RABGGTB: variants seen among roughly 807,000 people sequenced by gnomAD.
RABGGTB encodes the protein geranylgeranyl transferase type-2 subunit beta.
Under a neutral mutation model 44.5 loss-of-function variants are expected in RABGGTB, and 20 were observed. That is an observed-to-expected ratio of 0.45 (90% CI 0.32 to 0.65). The LOEUF (loss-of-function observed/expected upper bound fraction) is 0.65, where lower values mean the gene tolerates loss of function less well. RABGGTB is among the 30% of genes least tolerant of loss of function. The pLI, the probability that RABGGTB is intolerant of heterozygous loss-of-function variation, is 0.05. For synonymous variants in RABGGTB, 128 were observed against 136.7 expected (o/e 0.94, Z 0.44); for missense variants, 302 against 398.7 (o/e 0.76, Z 2.06).
intron 4 of RABGGTB, 195 bp downstream of exon 4, chr1:75,790,252 AG>A: frequency 5.5e-6 from 7 of 1,264,182 alleles, no homozygotes; most frequent in Non-Finnish European, 6.9e-6. Flanking sequence ...ACTGGAACAG[AG>A]GGGGCCAGTC....
chr1:75,786,989 C>T, intron 1 of RABGGTB: 1 of 462,278 alleles, frequency 2.2e-6, no homozygotes, highest in Admixed American at 2.5e-5. Flanking sequence ...AAATGATAAG[C>T]TTTGATATTC....
At chr1:75,790,152 G>A in intron 4 of RABGGTB, 95 bp downstream of exon 4, 1 of 1,558,588 alleles carries the variant, frequency 6.4e-7, no homozygotes, top group African/African-American at 1.4e-5. Context: ...ATCTTTTCAG[G>A]TCCCACTAAG....
rs1259015150 is a variant in RABGGTB at position 75,794,659 on chromosome 1, A to C, written c.*9A>C. ...CTGAGCTAGTGAGCTAGATTCATTG[A>C]ATTGAAAGTTGCATAGTATAGTTTT... On this transcript the variant is annotated 3_prime_UTR_variant, in exon 9 of 9. Coordinates refer to ENST00000319942, the MANE Select transcript of RABGGTB (RefSeq NM_004582.4). 6.3e-7 allele frequency: 1 copy of C among 1,584,228 alleles called. No homozygotes were observed. Among genetic ancestry groups the C allele is most frequent in the African/African-American group, 1.3e-5 (1 of 74,474 alleles).
intron 7 of RABGGTB, among the ~76,000 whole-genome samples, chr1:75,792,602 T>C (rs2100489543): frequency 6.6e-6 from 1 of 152,264 alleles, no homozygotes; most frequent in Middle Eastern, 3.4e-3. Context: ...ACTACAGAAT[T>C]TTTGTTTGCA....
At chr1:75,793,673 G>A (rs1649701723) in intron 7 of RABGGTB, 1 of 155,722 alleles carries the variant, frequency 6.4e-6, no homozygotes, top group African/African-American at 2.4e-5. Flanking sequence ...CAAGGGTTTA[G>A]TTGATTTTAA....
chr1:75,787,365 T>A, intron 1 of RABGGTB, 132 bp from the exon 2 acceptor site: 6 of 730,554 alleles, frequency 8.2e-6, no homozygotes, highest in Non-Finnish European at 1.4e-5. Context: ...TTAGTTACAA[T>A]TTTTAAATGG....
intron 7 of RABGGTB, among the ~76,000 whole-genome samples, chr1:75,793,100 C>T (rs113418012): frequency 0.012 from 1,816 of 152,260 alleles, 13 homozygotes; most frequent in Non-Finnish European, 0.017. Context: ...GCGTGAGCCA[C>T]CGTGCCTGAC....
At chr1:75,789,457 C>A (rs753541422) in intron 3 of RABGGTB, 101 bp downstream of exon 3, 1 of 1,185,380 alleles carries the variant, frequency 8.4e-7, no homozygotes, top group Non-Finnish European at 1.3e-6. Context: ...AGTTTTGTTA[C>A]AAGTGAAGCT....
At position 75,794,564 on chromosome 1, in the gene RABGGTB, GAACAGATTA is replaced by G; in HGVS notation, c.914_922del (p.Gln305_Lys307del). ...TGCTGGATTGTCACTTTTGGGAGAA[GAACAGATTA>G]AACCTGTTAATCCTGTCTTTTGCAT... On this transcript the variant is annotated inframe_deletion, in exon 9 of 9. Coordinates refer to ENST00000319942, the MANE Select transcript of RABGGTB (RefSeq NM_004582.4). 6.2e-7 allele frequency: 1 copy of G among 1,613,224 alleles called. No individual in the cohort carries two copies. The highest frequency in any genetic ancestry group is 8.5e-7 in the Non-Finnish European group (1 of 1,179,480).
In RABGGTB at chr1:75,794,133, T is replaced by C. The variant is rs1157666471; in HGVS notation, c.755T>C (p.Ile252Thr). 1 of 1,613,826 alleles carries C rather than the reference T, an allele frequency of 6.2e-7. No individual in the cohort carries two copies. Among genetic ancestry groups the C allele is most frequent in the African/African-American group, 1.3e-5 (1 of 74,942 alleles). The change falls in exon 8 of 9, where the codon ATT becomes ACT. Residue 252 changes from isoleucine to threonine, a missense_variant. By Grantham distance (89) the Ile-to-Thr change is moderately conservative. Around this residue, in one of 2 missense-constraint regions of RABGGTB, gnomAD observed 213 missense variants for 323.7 expected, o/e 0.66. Transcript: ENST00000319942. ...SWWVLASLKI[I>T]GRLHWIDREK... is the part of the protein sequence containing the mutation. ...TGGGTCCTGGCTTCCCTAAAGATAA[T>C]TGGAAGACTTCATTGGATTGATAGA...
chr1:75,788,146 T>G, intron 2 of RABGGTB: 1 of 301,058 alleles, frequency 3.3e-6, no homozygotes, highest in Non-Finnish European at 6.6e-6. Context: ...TTTACTTAAG[T>G]GTTAGGTTCC....
Position 75,789,199 on chromosome 1 carries a change from A to C in RABGGTB, c.152A>C (p.Tyr51Ser). 2 of 1,614,002 alleles carry C rather than the reference A, an allele frequency of 1.2e-6. No homozygotes were observed. The highest frequency in any genetic ancestry group is 1.3e-5 in the African/African-American group (1 of 75,044). Residue 51 changes from tyrosine to serine, a missense_variant, in exon 3 of 9, where the codon TAT becomes TCT. Tyr to Ser is a moderately radical substitution (Grantham distance 144, BLOSUM62 -2). This residue lies in a region of RABGGTB where 89 missense variants were observed against 75.0 expected (regional missense o/e 1.19). Transcript: ENST00000319942. The stretch of plus-strand genomic sequence containing the variant: ...GAGTATTTGAGAATGAGTGGCATCT[A>C]TTGGGGTCTGACAGTAATGGATCTC... ...MSEYLRMSGI[Y>S]WGLTVMDLMG...
Position 75,794,732 on chromosome 1 carries a change from GACT to G in RABGGTB, c.*86_*88del, listed in dbSNP as rs1390912397. 1.7e-5 allele frequency: 19 copies of G among 1,139,574 alleles called. No individual in the cohort carries two copies. The highest frequency in any genetic ancestry group is 2.2e-5 in the Non-Finnish European group (19 of 846,564). The allele number at this position is 1,139,574 out of a possible 1,614,324, so 70.6% of individuals were successfully genotyped here. On this transcript the variant is annotated 3_prime_UTR_variant, in exon 9 of 9. Coordinates refer to ENST00000319942, the MANE Select transcript of RABGGTB (RefSeq NM_004582.4). ...TGAAGTGCTTATCGAATCTAAAAGT[GACT>G]ACTGTTAATATTTTGTATATTGTGT...
intron 2 of RABGGTB, chr1:75,788,821 C>T (rs1231093214): frequency 7.0e-6 from 2 of 284,150 alleles, no homozygotes; most frequent in South Asian, 5.5e-5. Flanking sequence ...GGTATAGGTA[C>T]TCGGAAAGAA....
intron 4 of RABGGTB, 72 bp from the exon 5 acceptor site, chr1:75,791,213 C>A: frequency 8.1e-7 from 1 of 1,236,376 alleles, no homozygotes; most frequent in Non-Finnish European, 1.2e-6. Flanking sequence ...GGTAGTTGTG[C>A]AGTGTTTGTT....
At chr1:75,788,612 C>T (rs1649560477) in intron 2 of RABGGTB, 1 of 156,102 alleles carries the variant, frequency 6.4e-6, no homozygotes, top group Non-Finnish European at 1.4e-5. Flanking sequence ...AAATATAATG[C>T]ATTGTTGAGT....
rs1175447214 is a variant in RABGGTB at position 75,789,805 on chromosome 1, T to C, written c.310-147T>C. 3 of 621,210 alleles carry C rather than the reference T, an allele frequency of 4.8e-6. No individual in the cohort carries two copies. The East Asian group carries it at 8.4e-5, about 17-fold the overall frequency. 38.5% of individuals were successfully genotyped at this position (621,210 alleles called of 1,614,324 possible). A position where few individuals can be genotyped will look rare whatever the true frequency, so the allele number is the denominator to read the frequency against. On this transcript the variant is annotated intron_variant, in intron 3 of 8. Coordinates refer to ENST00000319942, the MANE Select transcript of RABGGTB (RefSeq NM_004582.4). ...GTTTTCTTGATACTATCTAATTTTA[T>C]TCAATAACAGGAGAGTCTGCATATT...
rs562462679 is a variant in RABGGTB at position 75,793,634 on chromosome 1, A to T, written c.706-450A>T. The T allele has an allele frequency of 2.6e-5, 4 of 153,182 alleles. No homozygotes were observed. The East Asian group carries it at 7.7e-4, about 30-fold the overall frequency. 9.5% of individuals were successfully genotyped at this position (153,182 alleles called of 1,614,324 possible). Reference sequence around the variant, plus strand: ...ATCAGCCTTGAGTGGGGTTTTCTTTATAGACTTCTGTCACCATATTTTGAA... The same window carrying T: ...ATCAGCCTTGAGTGGGGTTTTCTTTTTAGACTTCTGTCACCATATTTTGAA... On this transcript the variant is annotated intron_variant, in intron 7 of 8. Coordinates refer to ENST00000319942, the MANE Select transcript of RABGGTB (RefSeq NM_004582.4).
chr1:75,786,559 G>T, intron 1 of RABGGTB: 1 of 407,680 alleles, frequency 2.5e-6, no homozygotes, highest in South Asian at 4.6e-5. Context: ...GCTGATTGGT[G>T]GCTTTTTTTT....
Sources: allele counts gnomAD v4.1 joint callset (sites outside exome capture counted in the v4.1 genomes callset), GRCh38; gene constraint gnomAD v4.1.1; regional missense constraint gnomAD v4.1.1; transcripts MANE v1.5; gene names NCBI Gene and HGNC (gene_info 2026-07-23, HGNC 2026-07-21).